The following NRG3 variants were observed in gnomAD, a reference collection of about 807,000 sequenced individuals.
The protein encoded by NRG3 is neuregulin 3.
NRG3 carries 31 observed loss-of-function variants against 66.9 expected under a neutral mutation model. That is an observed-to-expected ratio of 0.46 (90% CI 0.35 to 0.63). NRG3 has a LOEUF of 0.63. Among genes scored for constraint, NRG3 ranks in the 20% least tolerant of loss-of-function variants. The pLI is 0.00. For missense variants in NRG3, 910 were observed against 878.9 expected (o/e 1.04, Z -0.45); for synonymous variants, 393 against 359.4 (o/e 1.09, Z -1.06).
intron 1 of NRG3, among the ~76,000 whole-genome samples, chr10:82,216,850 G>C (rs932246886): frequency 6.6e-6 from 1 of 151,938 alleles, no homozygotes; most frequent in Non-Finnish European, 1.5e-5. Context: ...CAAGTATAGC[G>C]AGTTAATGCT....
chr10:82,489,365 G>A (rs1331136947), intron 2 of NRG3, among the ~76,000 whole-genome samples: 1 of 152,186 alleles, frequency 6.6e-6, no homozygotes, highest in Admixed American at 6.5e-5. Context: ...TGAAGTTTCT[G>A]TAGGCAGTTT....
rs1841097250 is a variant in NRG3, at chr10:82,869,597, T to TTTTATTTTA, written c.1054+4164_1054+4172dup. Among the ~76,000 whole-genome samples the TTTTATTTTA allele has an allele frequency of 2.1e-5, 3 of 146,182 alleles. No individual in the cohort carries two copies. In the South Asian group the frequency reaches 6.4e-4, roughly 31 times the overall value. On this transcript the variant is annotated intron_variant, in intron 4 of 8. Coordinates refer to ENST00000372141, the MANE Select transcript of NRG3 (RefSeq NM_001010848.4). ...TTTTATTTTATTTTATTTTATTTTA[T>TTTTATTTTA]TTTATTTTATTTTATTTTATTTTAT...
intron 1 of NRG3, among the ~76,000 whole-genome samples, chr10:82,191,637 T>C (rs1386744594): frequency 6.6e-6 from 1 of 152,112 alleles, no homozygotes; most frequent in Non-Finnish European, 1.5e-5. Flanking sequence ...ACCACCAAGA[T>C]GTAACTTACA....
At chr10:81,887,287 C>T (rs1024411192) in intron 1 of NRG3, among the ~76,000 whole-genome samples, 1 of 152,032 alleles carries the variant, frequency 6.6e-6, no homozygotes, top group Non-Finnish European at 1.5e-5. Context: ...TGATGATTAG[C>T]CTTGACTTTA....
At chr10:81,937,114 T>C (rs1847951039) in intron 1 of NRG3, among the ~76,000 whole-genome samples, 1 of 152,146 alleles carries the variant, frequency 6.6e-6, no homozygotes, top group Non-Finnish European at 1.5e-5. Context: ...GATTTTCTTC[T>C]TTTTTAAGGC....
intron 1 of NRG3, among the ~76,000 whole-genome samples, chr10:81,997,085 G>T (rs1339608903): frequency 6.6e-6 from 1 of 152,102 alleles, no homozygotes; most frequent in Non-Finnish European, 1.5e-5. Context: ...ACTCTTGCAT[G>T]CTATTACCAG....
At chr10:82,234,803 G>C (rs572441344) in intron 1 of NRG3, among the ~76,000 whole-genome samples, 1 of 152,284 alleles carries the variant, frequency 6.6e-6, no homozygotes, top group South Asian at 2.1e-4. Context: ...AGCTGAGAAG[G>C]CTGGCTGACA....
intron 1 of NRG3, among the ~76,000 whole-genome samples, chr10:82,116,103 A>G (rs975140303): frequency 1.3e-5 from 2 of 152,174 alleles, no homozygotes; most frequent in African/African-American, 4.8e-5. Flanking sequence ...ATCATATTTT[A>G]ACCTCAACAA....
At chr10:81,984,059 G>A (rs2060432863) in intron 1 of NRG3, among the ~76,000 whole-genome samples, 1 of 152,100 alleles carries the variant, frequency 6.6e-6, no homozygotes, top group Admixed American at 6.6e-5. Context: ...AAAGGTGGAG[G>A]ACCCCAAGCT....
intron 3 of NRG3, among the ~76,000 whole-genome samples, chr10:82,857,274 G>C (rs960777987): frequency 1.3e-5 from 2 of 152,208 alleles, no homozygotes; most frequent in African/African-American, 4.8e-5. Context: ...TTCTTGTTTA[G>C]AGAATGATAA....
At chr10:82,842,712 G>A (rs1008260143) in intron 3 of NRG3, among the ~76,000 whole-genome samples, 1 of 152,046 alleles carries the variant, frequency 6.6e-6, no homozygotes, top group Admixed American at 6.6e-5. Context: ...TGAATCCCAT[G>A]TTTTTATTTT....
chr10:82,740,179 C>T (rs7902005), intron 3 of NRG3, among the ~76,000 whole-genome samples: 3,316 of 150,858 alleles, frequency 0.022, 116 homozygotes, highest in African/African-American at 0.075. Flanking sequence ...TCCCTTTCCC[C>T]CTTTCCTCCC....
At chr10:82,463,396 A>T (rs1039058303) in intron 2 of NRG3, among the ~76,000 whole-genome samples, 1 of 152,174 alleles carries the variant, frequency 6.6e-6, no homozygotes, top group Admixed American at 6.5e-5. Context: ...TCTTCTCTCA[A>T]TATATGCCTG....
At chr10:82,597,704 C>T (rs548256475) in intron 2 of NRG3, among the ~76,000 whole-genome samples, 1 of 152,194 alleles carries the variant, frequency 6.6e-6, no homozygotes, top group East Asian at 1.9e-4. Context: ...GGGTGGATCA[C>T]GAGGTCATTA....
chr10:81,896,520 G>T (rs1478988617), intron 1 of NRG3, among the ~76,000 whole-genome samples: 1 of 152,128 alleles, frequency 6.6e-6, no homozygotes, highest in African/African-American at 2.4e-5. Context: ...GATGGTGTAA[G>T]GTGATTTATA....
chr10:82,744,823 G>A, intron 3 of NRG3, among the ~76,000 whole-genome samples: 1 of 152,052 alleles, frequency 6.6e-6, no homozygotes, highest in African/African-American at 2.4e-5. Context: ...GCTGTTGCTA[G>A]GATGAAATAA....
At chr10:82,654,726 A>G (rs1371165849) in intron 2 of NRG3, among the ~76,000 whole-genome samples, 4 of 152,154 alleles carry the variant, frequency 2.6e-5, no homozygotes, top group Admixed American at 1.3e-4. Context: ...GGATTTCAGA[A>G]TCTATTAAAG....
chr10:82,973,119 C>A (rs551029548), intron 6 of NRG3, among the ~76,000 whole-genome samples: 14 of 152,126 alleles, frequency 9.2e-5, no homozygotes, highest in South Asian at 2.1e-4. Flanking sequence ...CTTATTGGCT[C>A]TTGAGATGCC....
chr10:82,102,092 TCA>T (rs1491107150), intron 1 of NRG3, among the ~76,000 whole-genome samples: 2 of 107,792 alleles, frequency 1.9e-5, no homozygotes, highest in Admixed American at 9.3e-5. Context: ...ATATGTGTAT[TCA>T]TATATATATA....
Sources: allele counts gnomAD v4.1 joint callset (sites outside exome capture counted in the v4.1 genomes callset), GRCh38; gene constraint gnomAD v4.1.1; transcripts MANE v1.5; gene names NCBI Gene and HGNC (gene_info 2026-07-23, HGNC 2026-07-21).